The following KLF3 variants were observed in gnomAD, a reference collection of about 807,000 sequenced individuals.
The protein encoded by KLF3 is Krueppel-like factor 3.
A neutral mutation model predicts 32.7 loss-of-function variants in KLF3; 6 were observed. The observed-to-expected ratio is 0.18, with a 90% CI of 0.10 to 0.36. The LOEUF (loss-of-function observed/expected upper bound fraction) is 0.36, where lower values mean the gene tolerates loss of function less well. Among genes scored for constraint, KLF3 ranks in the 10% least tolerant of loss-of-function variants. The pLI, the probability that KLF3 is intolerant of heterozygous loss-of-function variation, is 1.00. For missense variants in KLF3, 338 were observed against 449.7 expected (o/e 0.75, Z 2.25); for synonymous variants, 145 against 172.8 (o/e 0.84, Z 1.26).
At chr4:38,690,774 C>T (rs915937406) in intron 4 of KLF3, 1 of 152,140 alleles carries the variant, frequency 6.6e-6, no homozygotes, top group Non-Finnish European at 1.5e-5. Flanking sequence ...TTTTCTCTAC[C>T]CCCTGTACCC....
rs1722759815 is a variant in KLF3, at chr4:38,688,217, C to A, written c.58-368C>A. Among the ~76,000 whole-genome samples the A allele has an allele frequency of 6.6e-6, 1 of 152,132 alleles. No homozygotes were observed. The stretch of plus-strand genomic sequence containing the variant: ...TTTGGCTTGACTGGTTCTTGTGATG[C>A]CCACCTCTGACTCCTAATGATAATG... On this transcript the variant is annotated intron_variant, in intron 2 of 5. Coordinates refer to ENST00000261438, the MANE Select transcript of KLF3 (RefSeq NM_016531.6). The surrounding 1 kb of genome is among the most constrained non-coding windows in gnomAD (Gnocchi z 4.9).
intron 4 of KLF3, among the ~76,000 whole-genome samples, chr4:38,693,043 G>C (rs1722918259): frequency 6.9e-6 from 1 of 144,490 alleles, no homozygotes; most frequent in Non-Finnish European, 1.5e-5. Context: ...TGTGTTCTCT[G>C]CTGTTTGCAC....
At chr4:38,693,117 C>CATATATATATATACGTGTATATATATGT (rs3841982) in intron 4 of KLF3, among the ~76,000 whole-genome samples, 1 of 137,972 alleles carries the variant, frequency 7.2e-6, no homozygotes, top group African/African-American at 2.7e-5. Context: ...CATATATATA[C>CATATATATATATACGTGTATATATATGT]ATATATATAT....
At chr4:38,668,415 T>A (rs1178183051) in intron 1 of KLF3, among the ~76,000 whole-genome samples, 1 of 152,140 alleles carries the variant, frequency 6.6e-6, no homozygotes. Flanking sequence ...AATCAGGCTC[T>A]CTTCTCCCCA....
At chr4:38,664,965 C>T (rs961580313) in intron 1 of KLF3, 1 of 148,046 alleles carries the variant, frequency 6.8e-6, no homozygotes, top group Non-Finnish European at 1.5e-5. Flanking sequence ...CCCAGGCTCC[C>T]GCGTCCTTCC....
At chr4:38,696,569 A>G (rs1723050722) in intron 5 of KLF3, among the ~76,000 whole-genome samples, 2 of 152,196 alleles carry the variant, frequency 1.3e-5, no homozygotes. Context: ...AAAGCATTAT[A>G]CTTAGGCCTA....
intron 1 of KLF3, among the ~76,000 whole-genome samples, chr4:38,669,240 C>T (rs78145494): frequency 0.022 from 3,282 of 152,002 alleles, 127 homozygotes; most frequent in African/African-American, 0.075. Context: ...AAAGCAAATC[C>T]CTAGAATCTT....
rs1204998537 is a variant in KLF3 at position 38,701,491 on chromosome 4, A to G, written c.*4228A>G. 6.6e-6 allele frequency among the ~76,000 whole-genome samples: 1 copy of G among 152,244 alleles called. No homozygotes were observed. The highest frequency in any genetic ancestry group is 1.5e-5 in the Non-Finnish European group (1 of 68,044). On this transcript the variant is annotated 3_prime_UTR_variant, in exon 6 of 6. Coordinates refer to ENST00000261438, the MANE Select transcript of KLF3 (RefSeq NM_016531.6). ...ACGAGGAACAGAACAATAACGCATT[A>G]AAGTAAATAACTCTGGATAAAAGTA...
rs1463117811 is a variant in KLF3 at position 38,688,177 on chromosome 4, A to G, written c.58-408A>G. Among the ~76,000 whole-genome samples the G allele has an allele frequency of 2.0e-5, 3 of 152,096 alleles. No homozygotes were observed. The highest frequency in any genetic ancestry group is 7.2e-5 in the African/African-American group (3 of 41,416). The stretch of plus-strand genomic sequence containing the variant: ...TGCTCATCAAGAAACCCCACCAGAA[A>G]AGCAACCAGGTTGGTTTGGCTTGAC... On this transcript the variant is annotated intron_variant, in intron 2 of 5. Coordinates refer to ENST00000261438, the MANE Select transcript of KLF3 (RefSeq NM_016531.6). The surrounding 1 kb of genome is among the most constrained non-coding windows in gnomAD (Gnocchi z 4.9).
intron 2 of KLF3, among the ~76,000 whole-genome samples, chr4:38,684,541 G>GTTTTTTT (rs139709836): frequency 9.2e-6 from 1 of 109,174 alleles, no homozygotes. Flanking sequence ...GGTTTTTTGT[G>GTTTTTTT]TTTTTTTTTT....
Position 38,697,194 on chromosome 4 carries a change from G to C in KLF3, c.969G>C (p.Pro323=), listed in dbSNP as rs770157784. The C allele has an allele frequency of 6.2e-7, 1 of 1,613,904 alleles. No individual in the cohort carries two copies. The highest frequency in any genetic ancestry group is 8.5e-7 in the Non-Finnish European group (1 of 1,179,974). ...KHTGIKPFQC[P]DCDRSFSRSD... is the part of the protein sequence containing the mutation. ...CTGGAATCAAACCTTTCCAGTGCCC[G>C]GACTGTGACCGCAGCTTCTCCCGTT... Residue 323 remains proline (P), a synonymous_variant, in exon 6 of 6, where the codon CCG becomes CCC. Coordinates refer to ENST00000261438, the MANE Select transcript of KLF3 (RefSeq NM_016531.6).
At chr4:38,672,691 G>A (rs1224879158) in intron 1 of KLF3, among the ~76,000 whole-genome samples, 1 of 152,144 alleles carries the variant, frequency 6.6e-6, no homozygotes, top group Non-Finnish European at 1.5e-5. Context: ...TCAGACCCGG[G>A]GAGTGCACGG....
chr4:38,689,143 A>G, intron 3 of KLF3, 72 bp downstream of exon 3: 1 of 1,571,136 alleles, frequency 6.4e-7, no homozygotes, highest in Non-Finnish European at 8.7e-7. Flanking sequence ...GGGGTGGGTG[A>G]GGAAGCATGG....
intron 1 of KLF3, among the ~76,000 whole-genome samples, chr4:38,667,382 G>A (rs1722076626): frequency 1.3e-5 from 2 of 152,110 alleles, no homozygotes; most frequent in African/African-American, 2.4e-5. Context: ...TGAGGTCCCT[G>A]CCCCTAAACT....
intron 1 of KLF3, among the ~76,000 whole-genome samples, chr4:38,666,317 A>C (rs1370026286): frequency 6.6e-6 from 1 of 152,178 alleles, no homozygotes; most frequent in Non-Finnish European, 1.5e-5. Flanking sequence ...ATTCACTGCA[A>C]AGTTTCTAAA....
At chr4:38,680,789 GCCTGTAAT>G in intron 2 of KLF3, 107 bp downstream of exon 2, 1 of 828,898 alleles carries the variant, frequency 1.2e-6, no homozygotes, top group Non-Finnish European at 2.0e-6. Context: ...GGTGGCTCAC[GCCTGTAAT>G]CCCAGCACTT....
At chr4:38,670,414 G>A (rs1053697323) in intron 1 of KLF3, among the ~76,000 whole-genome samples, 1 of 152,210 alleles carries the variant, frequency 6.6e-6, no homozygotes, top group African/African-American at 2.4e-5. Context: ...GGACATAAGA[G>A]ATCAAATGAG....
At chr4:38,682,222 C>A (rs1282406180) in intron 2 of KLF3, among the ~76,000 whole-genome samples, 1 of 152,204 alleles carries the variant, frequency 6.6e-6, no homozygotes, top group Non-Finnish European at 1.5e-5. Context: ...CCACGCCCGG[C>A]TAATTTTTGT....
chr4:38,670,742 C>T (rs1424482262), intron 1 of KLF3, among the ~76,000 whole-genome samples: 1 of 152,232 alleles, frequency 6.6e-6, no homozygotes, highest in African/African-American at 2.4e-5. Flanking sequence ...CTTCACCAGC[C>T]GCTGGACAGA....
Sources: allele counts gnomAD v4.1 joint callset (sites outside exome capture counted in the v4.1 genomes callset), GRCh38; gene constraint gnomAD v4.1.1; non-coding constraint Gnocchi (gnomAD v3.1); transcripts MANE v1.5; gene names NCBI Gene and HGNC (gene_info 2026-07-23, HGNC 2026-07-21).